Variants in GLI2 observed in about 807,000 individuals in gnomAD.
GLI2 encodes the protein transcription activator GLI2.
Under a neutral mutation model 78.9 loss-of-function variants are expected in GLI2, and 22 were observed. That is an observed-to-expected ratio of 0.28 (90% CI 0.20 to 0.40). The LOEUF (loss-of-function observed/expected upper bound fraction) is 0.40, where lower values mean the gene tolerates loss of function less well. Ranked by LOEUF, GLI2 falls within the 10% of genes least tolerant of loss-of-function variation. The pLI is 1.00. For synonymous variants in GLI2, 974 were observed against 963.7 expected (o/e 1.01, Z -0.20); for missense variants, 2,097 against 2,213.2 (o/e 0.95, Z 1.05).
chr2:120,892,458 G>C (rs780964054), intron 2 of GLI2, among the ~76,000 whole-genome samples: 1 of 152,214 alleles, frequency 6.6e-6, no homozygotes, highest in Non-Finnish European at 1.5e-5. Context: ...AGCTAGCCAG[G>C]GGCTGCAGAG....
In GLI2 at chr2:120,927,418, A is replaced by G. The variant is rs1358300603; in HGVS notation, c.206A>G (p.Gln69Arg). ...HAPLPIDMRH[Q>R]EGRYHYEPHS... ...CCCCTACCGATTGACATGCGACACC[A>G]GGAAGGAAGGTACCATTACGAGCCT... is the stretch of plus-strand genomic sequence containing the variant. The change falls in exon 3 of 14, where the codon CAG (glutamine) becomes CGG (arginine). Residue 69 changes from glutamine (Q) to arginine (R), a missense_variant. Transcript: ENST00000361492. 1 of 1,614,006 alleles carries G rather than the reference A, an allele frequency of 6.2e-7. No homozygotes were observed. The highest frequency in any genetic ancestry group is 1.7e-5 in the Admixed American group (1 of 60,026).
In GLI2 at chr2:120,988,473, C is replaced by T. The variant is rs754616098; in HGVS notation, c.2508C>T (p.Asp836=). 2.6e-6 allele frequency: 4 copies of T among 1,561,822 alleles called. No individual in the cohort carries two copies. The African/African-American group carries it at 4.2e-5, about 16-fold the overall frequency. ...GCCCGCACAACGCGAGCTCCGCTGACTCCTACGACCCCATCTCCACGGACG... is the reference window on the plus strand; with the variant it reads ...GCCCGCACAACGCGAGCTCCGCTGATTCCTACGACCCCATCTCCACGGACG... ...AGRPHNASSA[D]SYDPISTDAS... The change falls in exon 14 of 14, where the codon GAC becomes GAT. Residue 836 remains aspartate, a synonymous_variant. Coordinates refer to ENST00000361492, the MANE Select transcript of GLI2 (RefSeq NM_001374353.1).
intron 2 of GLI2, among the ~76,000 whole-genome samples, chr2:120,893,383 A>T (rs1348699761): frequency 6.6e-6 from 1 of 151,344 alleles, no homozygotes; most frequent in Non-Finnish European, 1.5e-5. Context: ...CACAATTAAG[A>T]TTCTTGCTGG....
chr2:120,898,177 AACACACACACAC>A (rs55794893), intron 2 of GLI2, among the ~76,000 whole-genome samples: 94 of 140,310 alleles, frequency 6.7e-4, no homozygotes, highest in South Asian at 3.1e-3. Context: ...TATAGATTAA[AACACACACACAC>A]ACACACACAC....
intron 1 of GLI2, among the ~76,000 whole-genome samples, chr2:120,762,926 C>G (rs1683256187): frequency 6.6e-6 from 1 of 152,226 alleles, no homozygotes; most frequent in Non-Finnish European, 1.5e-5. Context: ...GGAGGAAAGG[C>G]TTCAGTGGCT....
chr2:120,740,134 T>C (rs1226911175), intron 1 of GLI2, among the ~76,000 whole-genome samples: 4 of 152,226 alleles, frequency 2.6e-5, no homozygotes. Context: ...ATTATTATTT[T>C]TAGGTTTAGA....
At chr2:120,867,420 G>T (rs1323415935) in intron 2 of GLI2, 1 of 152,286 alleles carries the variant, frequency 6.6e-6, no homozygotes, top group Non-Finnish European at 1.5e-5. Flanking sequence ...CCTGGCCGCC[G>T]CCGGTTATAA....
rs1000708828 is a variant in GLI2 at position 120,862,405 on chromosome 2, C to T, written c.148+64937C>T. Among the ~76,000 whole-genome samples, 31 of 152,268 alleles carry T rather than the reference C, an allele frequency of 2.0e-4. No homozygotes were observed. The South Asian group carries it at 2.7e-3, about 13-fold the overall frequency. Reference sequence around the variant, plus strand: ...GTACTGGGGACACAGCAGGCCTTGCCGTCTGGGGGCTCCAGGGACTCCTGG... The same window carrying T: ...GTACTGGGGACACAGCAGGCCTTGCTGTCTGGGGGCTCCAGGGACTCCTGG... On this transcript the variant is annotated intron_variant, in intron 2 of 13. Coordinates refer to ENST00000361492, the MANE Select transcript of GLI2 (RefSeq NM_001374353.1).
At chr2:120,952,863 A>G (rs958290505) in intron 4 of GLI2, among the ~76,000 whole-genome samples, 1 of 152,220 alleles carries the variant, frequency 6.6e-6, no homozygotes, top group Non-Finnish European at 1.5e-5. Context: ...CACCATGCCC[A>G]GCCCATGATG....
rs1032903002 is a variant in GLI2 at position 120,801,330 on chromosome 2, G to A, written c.148+3862G>A. On this transcript the variant is annotated intron_variant, in intron 2 of 13. Transcript: ENST00000361492. ...ATTTTTGTATTTTTAGTAGAGATGGGGTTTCACCATGTTAGCCAGGCTGGT... is the reference window on the plus strand; with the variant it reads ...ATTTTTGTATTTTTAGTAGAGATGGAGTTTCACCATGTTAGCCAGGCTGGT... Among the ~76,000 whole-genome samples, 6 of 152,208 alleles carry A rather than the reference G, an allele frequency of 3.9e-5. No homozygotes were observed. In the South Asian group the frequency reaches 1.2e-3, roughly 32 times the overall value.
At chr2:120,938,478 T>C (rs1680297810) in intron 3 of GLI2, among the ~76,000 whole-genome samples, 1 of 152,270 alleles carries the variant, frequency 6.6e-6, no homozygotes, top group South Asian at 2.1e-4. Flanking sequence ...TCCATCTGTA[T>C]TGCCTCCTTT....
At chr2:120,880,492 C>T (rs1677063509) in intron 2 of GLI2, among the ~76,000 whole-genome samples, 1 of 152,174 alleles carries the variant, frequency 6.6e-6, no homozygotes, top group African/African-American at 2.4e-5. Flanking sequence ...GACAAGGGCT[C>T]TCTTTCCAAC....
Position 120,987,048 on chromosome 2 carries a change from C to G in GLI2, c.2242+434C>G, listed in dbSNP as rs563122818. 4.6e-5 allele frequency among the ~76,000 whole-genome samples: 7 copies of G among 152,338 alleles called. No individual in the cohort carries two copies. In the East Asian group the frequency reaches 1.4e-3, roughly 29 times the overall value. ...CTCTACTGCAGAACGAGCCAGGTAC[C>G]ACCAAAGCCAGAGCTTAGGGTAGAG... On this transcript the variant is annotated intron_variant, in intron 13 of 13. Transcript: ENST00000361492.
intron 10 of GLI2, 60 bp from the exon 11 acceptor site, chr2:120,982,656 A>T: frequency 1.4e-6 from 2 of 1,469,254 alleles, no homozygotes; most frequent in Non-Finnish European, 1.9e-6. Context: ...AGGAAGCAGC[A>T]GCCGGCCTCA....
intron 2 of GLI2, chr2:120,867,085 C>T (rs1688174077): frequency 6.6e-6 from 1 of 152,368 alleles, no homozygotes; most frequent in South Asian, 2.1e-4. Context: ...CCCTCCCTTC[C>T]CGGGCCTCAA....
At chr2:120,854,587 C>A (rs1373188438) in intron 2 of GLI2, among the ~76,000 whole-genome samples, 1 of 152,200 alleles carries the variant, frequency 6.6e-6, no homozygotes, top group Admixed American at 6.5e-5. Flanking sequence ...TTTCATGTCA[C>A]CCATTATATT....
intron 3 of GLI2, among the ~76,000 whole-genome samples, chr2:120,934,638 C>G (rs1285635421): frequency 6.6e-6 from 1 of 152,152 alleles, no homozygotes; most frequent in Non-Finnish European, 1.5e-5. Flanking sequence ...GCATGGGGGC[C>G]TCACCTCCCT....
rs1252938560 is a variant in GLI2 at position 120,989,113 on chromosome 2, G to A, written c.3148G>A (p.Val1050Met). 3.1e-6 allele frequency: 5 copies of A among 1,612,750 alleles called. No individual in the cohort carries two copies. The highest frequency in any genetic ancestry group is 4.2e-6 in the Non-Finnish European group (5 of 1,179,954). ...EDDLVLPDDV[V>M]QYIKAHASGA... ...CGACCTGGTGCTTCCAGACGACGTG[G>A]TGCAGTACATCAAGGCGCACGCCAG... Residue 1050 changes from valine to methionine, a missense_variant, in exon 14 of 14, where the codon GTG becomes ATG. Around this residue, in one of 5 missense-constraint regions of GLI2, gnomAD observed 1,290 missense variants for 1,261.7 expected, o/e 1.02. Coordinates refer to ENST00000361492, the MANE Select transcript of GLI2 (RefSeq NM_001374353.1).
chr2:120,774,486 T>C (rs564251167), intron 1 of GLI2, among the ~76,000 whole-genome samples: 165 of 152,306 alleles, frequency 1.1e-3, no homozygotes, highest in East Asian at 2.5e-3. Context: ...TCCCCATCCC[T>C]GGCAGCCACT....
Sources: gnomAD v4.1 joint callset for allele counts (sites outside exome capture counted in the v4.1 genomes callset) on GRCh38, gnomAD v4.1.1 for gene constraint, gnomAD v4.1.1 regional missense constraint, MANE v1.5 for transcripts, NCBI Gene and HGNC (gene_info 2026-07-23, HGNC 2026-07-21) for gene names.